The following TTI1 variants were observed in gnomAD, a reference collection of about 807,000 sequenced individuals.
The protein encoded by TTI1 is TELO2 interacting protein 1.
TTI1 carries 52 observed loss-of-function variants against 85.4 expected under a neutral mutation model. That is an observed-to-expected ratio of 0.61 (90% CI 0.49 to 0.77). The LOEUF (loss-of-function observed/expected upper bound fraction) is 0.77, where lower values mean the gene tolerates loss of function less well. Ranked by LOEUF, TTI1 falls within the 30% of genes least tolerant of loss-of-function variation. TTI1 has a pLI of 0.00. For synonymous variants in TTI1, 512 were observed against 503.9 expected, an observed-to-expected ratio of 1.02 and a Z score of -0.22; for missense variants, 1,173 against 1,296.0, an observed-to-expected ratio of 0.91 and a Z score of 1.46.
intron 1 of TTI1, among the ~76,000 whole-genome samples, chr20:38,016,303 T>A (rs1287236308): frequency 6.6e-6 from 1 of 152,216 alleles, no homozygotes; most frequent in Non-Finnish European, 1.5e-5. Flanking sequence ...AATGTTTAAG[T>A]GGAAGCCTGG....
chr20:38,022,442 G>A (rs1315227995), intron 1 of TTI1, among the ~76,000 whole-genome samples: 1 of 152,184 alleles, frequency 6.6e-6, no homozygotes, highest in Non-Finnish European at 1.5e-5. Flanking sequence ...TAGAATCAGT[G>A]ATTTTTGACT....
chr20:37,988,304 A>C (rs949027263), intron 7 of TTI1, among the ~76,000 whole-genome samples: 10 of 152,196 alleles, frequency 6.6e-5, no homozygotes, highest in Admixed American at 2.0e-4. Flanking sequence ...ACAGACCACG[A>C]GAGTTTTCAA....
chr20:37,989,838 T>C (rs1401956765), intron 7 of TTI1, among the ~76,000 whole-genome samples: 3 of 152,238 alleles, frequency 2.0e-5, no homozygotes, highest in Non-Finnish European at 4.4e-5. Context: ...CAGCCTCCAC[T>C]CACGGATGCC....
At chr20:38,002,582 T>G in intron 4 of TTI1, 46 bp downstream of exon 4, 1 of 1,607,684 alleles carries the variant, frequency 6.2e-7, no homozygotes, top group Admixed American at 1.7e-5. Context: ...AGGCCACACC[T>G]TAGTCCTGCT....
At position 38,013,077 on chromosome 20, in the gene TTI1, A is replaced by T. The variant is rs747084147; in HGVS notation, c.740T>A (p.Met247Lys). Residue 247 changes from methionine (M) to lysine (K), a missense_variant, in exon 2 of 8, where the codon ATG (methionine) becomes AAG (lysine). Physicochemically the swap from Met to Lys is moderately conservative, Grantham distance 95. Coordinates refer to ENST00000373447, the MANE Select transcript of TTI1 (RefSeq NM_001303457.2). ...GATTCTTTTGAGCTGTTCATCAGCC[A>T]TAATGAAGCTCACTGTCTTGTAAAA... ...KIFYKTVSFI[M>K]ADEQLKRISK... The T allele has an allele frequency of 6.2e-7, 1 of 1,614,112 alleles. No homozygotes were observed. The highest frequency in any genetic ancestry group is 8.5e-7 in the Non-Finnish European group (1 of 1,180,056).
intron 7 of TTI1, among the ~76,000 whole-genome samples, chr20:37,986,901 T>C (rs567240489): frequency 6.6e-6 from 1 of 152,324 alleles, no homozygotes; most frequent in Non-Finnish European, 1.5e-5. Context: ...ACTGACTTGG[T>C]GGGGGTATCC....
At chr20:38,016,435 G>A (rs2073683555) in intron 1 of TTI1, among the ~76,000 whole-genome samples, 1 of 152,184 alleles carries the variant, frequency 6.6e-6, no homozygotes, top group Non-Finnish European at 1.5e-5. Context: ...TCCGCCCCCT[G>A]ACAGGGTGGT....
At chr20:37,999,090 G>C in intron 5 of TTI1, 98 bp downstream of exon 5, 1 of 1,232,986 alleles carries the variant, frequency 8.1e-7, no homozygotes, top group Non-Finnish European at 1.0e-6. Context: ...ATGTGACATT[G>C]CAATCGGGTG....
intron 4 of TTI1, 103 bp downstream of exon 4, chr20:38,002,525 A>C: frequency 1.6e-5 from 24 of 1,457,706 alleles, no homozygotes; most frequent in Non-Finnish European, 2.0e-5. Flanking sequence ...CACGTGGACC[A>C]GGAGATAAGG....
rs544396960 is a variant in TTI1 at position 38,028,049 on chromosome 20, G to A, written c.-42+5355C>T. ...AGGCTGAGGAGGAGGTGGGTTGGCA[G>A]AAGGGAAAGAAAATCTGCATATAAA... On this transcript the variant is annotated intron_variant, in intron 1 of 7. Coordinates refer to ENST00000373447, the MANE Select transcript of TTI1 (RefSeq NM_001303457.2). Among the ~76,000 whole-genome samples the A allele has an allele frequency of 2.6e-5, 4 of 152,350 alleles. No homozygotes were observed. The South Asian group carries it at 8.3e-4, about 32-fold the overall frequency.
chr20:38,020,323 A>AAAAAAAT, intron 1 of TTI1, among the ~76,000 whole-genome samples: 1,907 of 50,228 alleles, frequency 0.038, 49 homozygotes, highest in Non-Finnish European at 0.056. Flanking sequence ...AAAAAAAAAA[A>AAAAAAAT]ATATATATAT....
At chr20:38,001,908 G>C (rs1042753152) in intron 4 of TTI1, among the ~76,000 whole-genome samples, 1 of 152,142 alleles carries the variant, frequency 6.6e-6, no homozygotes, top group Non-Finnish European at 1.5e-5. Context: ...AGTAGAGATG[G>C]GGTTTCTCCA....
chr20:37,999,361 G>C, intron 4 of TTI1, 33 bp from the exon 5 acceptor site: 1 of 1,358,240 alleles, frequency 7.4e-7, no homozygotes. Flanking sequence ...AGATGGTATA[G>C]GCTTGAAAAC....
intron 4 of TTI1, among the ~76,000 whole-genome samples, chr20:37,999,793 T>C (rs542468114): frequency 6.6e-6 from 1 of 152,092 alleles, no homozygotes; most frequent in Admixed American, 6.5e-5. Flanking sequence ...TCATAAGAAG[T>C]GAAAGAAGGG....
In TTI1 at chr20:38,012,772, C is replaced by T. The variant is rs551264180; in HGVS notation, c.1045G>A (p.Ala349Thr). ...TGTCTCAGAACTTTATTGCACTGGGCTTGGATTTCAGGACTCTCATCATTT... is the reference window on the plus strand; with the variant it reads ...TGTCTCAGAACTTTATTGCACTGGGTTTGGATTTCAGGACTCTCATCATTT... ...LVNDESPEIQ[A>T]QCNKVLRHFA... The change falls in exon 2 of 8, where the codon GCC becomes ACC. Residue 349 changes from alanine (A) to threonine (T), a missense_variant. By Grantham distance (58) the Ala-to-Thr change is moderately conservative. Coordinates refer to ENST00000373447, the MANE Select transcript of TTI1 (RefSeq NM_001303457.2). 5.6e-6 allele frequency: 9 copies of T among 1,614,180 alleles called. No homozygotes were observed. The South Asian group carries it at 8.8e-5, about 16-fold the overall frequency.
chr20:38,002,172 G>A (rs1048571343), intron 4 of TTI1, among the ~76,000 whole-genome samples: 4 of 152,112 alleles, frequency 2.6e-5, no homozygotes, highest in African/African-American at 9.7e-5. Context: ...CATGCTTTCA[G>A]CCCTTGCTGA....
chr20:38,012,652 T>C lies in TTI1; in HGVS notation c.1165A>G (p.Met389Val). 6.2e-7 allele frequency: 1 copy of C among 1,614,194 alleles called. No individual in the cohort carries two copies. Among genetic ancestry groups the C allele is most frequent in the Non-Finnish European group, 8.5e-7 (1 of 1,180,034 alleles). Residue 389 changes from methionine (M) to valine (V), a missense_variant, in exon 2 of 8, where the codon ATG (methionine) becomes GTG (valine). Met to Val is a conservative substitution (Grantham distance 21, BLOSUM62 1). Coordinates refer to ENST00000373447, the MANE Select transcript of TTI1 (RefSeq NM_001303457.2). The part of the protein sequence containing the change: ...HSLATSLPRL[M>V]NSQDDQGKFS... Reference sequence around the variant, plus strand: ...TTGCCCTGGTCATCTTGGGAGTTCATTAGGCGAGGAAGAGATGTGGCAAGG... The same window carrying C: ...TTGCCCTGGTCATCTTGGGAGTTCACTAGGCGAGGAAGAGATGTGGCAAGG...
Position 38,012,470 on chromosome 20 carries a change from C to A in TTI1, c.1347G>T (p.Arg449=), listed in dbSNP as rs1452513517. Residue 449 remains arginine, a synonymous_variant, in exon 2 of 8, where the codon CGG becomes CGT. Transcript: ENST00000373447. Reference sequence around the variant, plus strand: ...CATTCAGATCATCAGAGTTCCAACGCCGTTCCTCAACAATCTTGATGTCAG... The same window carrying A: ...CATTCAGATCATCAGAGTTCCAACGACGTTCCTCAACAATCTTGATGTCAG... The part of the protein sequence containing the change: ...DVADIKIVEE[R]RWNSDDLNAS... 6.2e-7 allele frequency: 1 copy of A among 1,614,212 alleles called. No homozygotes were observed. Among genetic ancestry groups the A allele is most frequent in the East Asian group, 2.2e-5 (1 of 44,884 alleles).
intron 3 of TTI1, among the ~76,000 whole-genome samples, chr20:38,004,645 G>C (rs902186694): frequency 6.6e-6 from 1 of 152,188 alleles, no homozygotes; most frequent in Non-Finnish European, 1.5e-5. Flanking sequence ...CCCCAGAGGG[G>C]AATTTGTTGT....
Sources: gnomAD v4.1 joint callset for allele counts (sites outside exome capture counted in the v4.1 genomes callset) on GRCh38, gnomAD v4.1.1 for gene constraint, MANE v1.5 for transcripts, NCBI Gene and HGNC (gene_info 2026-07-23, HGNC 2026-07-21) for gene names.